Variants in RGS6 observed in about 807,000 individuals in gnomAD.
RGS6 encodes the protein regulator of G-protein signaling 6.
Under a neutral mutation model 78.5 loss-of-function variants are expected in RGS6, and 30 were observed. The ratio of observed to expected loss-of-function variants is 0.38; its 90% CI spans 0.29 to 0.52. The LOEUF (loss-of-function observed/expected upper bound fraction) is 0.52, where lower values mean the gene tolerates loss of function less well. Ranked by LOEUF, RGS6 falls within the 20% of genes least tolerant of loss-of-function variation. RGS6 has a pLI of 0.85. For missense variants in RGS6, 495 were observed against 609.7 expected (o/e 0.81, Z 1.98); for synonymous variants, 206 against 206.0 (o/e 1.00, Z 0.00).
chr14:72,497,887 G>A (rs2096666417), intron 13 of RGS6, among the ~76,000 whole-genome samples: 2 of 151,728 alleles, frequency 1.3e-5, no homozygotes, highest in African/African-American at 2.4e-5. Context: ...CACTTTTCAG[G>A]AAATCCTTTT....
At chr14:72,231,899 G>C (rs1437759878) in intron 2 of RGS6, among the ~76,000 whole-genome samples, 1 of 152,130 alleles carries the variant, frequency 6.6e-6, no homozygotes, top group Non-Finnish European at 1.5e-5. Context: ...GGTGTGGTGG[G>C]TCATTATAAG....
chr14:72,152,410 G>A (rs184418965), intron 2 of RGS6, among the ~76,000 whole-genome samples: 8 of 152,232 alleles, frequency 5.3e-5, no homozygotes, highest in African/African-American at 9.6e-5. Flanking sequence ...AGGGTAGTAC[G>A]TTCCAAATCA....
chr14:72,544,611 G>A (rs991417892), intron 17 of RGS6, among the ~76,000 whole-genome samples: 1 of 152,212 alleles, frequency 6.6e-6, no homozygotes, highest in Non-Finnish European at 1.5e-5. Flanking sequence ...GCCGGAAGCT[G>A]CAGAAGGCTT....
chr14:71,919,765 G>A, the RGS6 span, among the ~76,000 whole-genome samples: 2 of 152,252 alleles, frequency 1.3e-5, no homozygotes, highest in South Asian at 2.1e-4. Context: ...AGGCCGAGGA[G>A]GGTGGATAAC....
At chr14:72,301,204 T>C (rs1306259849) in intron 2 of RGS6, among the ~76,000 whole-genome samples, 1 of 152,252 alleles carries the variant, frequency 6.6e-6, no homozygotes, top group Non-Finnish European at 1.5e-5. Context: ...ATAGGAAAGA[T>C]ATAAAAGAAA....
At chr14:72,362,981 G>A (rs1217280306) in intron 3 of RGS6, among the ~76,000 whole-genome samples, 1 of 152,178 alleles carries the variant, frequency 6.6e-6, no homozygotes, top group South Asian at 2.1e-4. Flanking sequence ...AACATGCCAG[G>A]TTTCAGTAAG....
chr14:71,915,161 G>A, the RGS6 span, among the ~76,000 whole-genome samples: 4 of 152,070 alleles, frequency 2.6e-5, no homozygotes, highest in Non-Finnish European at 4.4e-5. Context: ...AGGAGGCTGA[G>A]GCAGGAGAAT....
chr14:72,029,272 A>G (rs1217608655), intron 2 of RGS6, among the ~76,000 whole-genome samples: 2 of 152,224 alleles, frequency 1.3e-5, no homozygotes, highest in Non-Finnish European at 2.9e-5. Flanking sequence ...AGATCTTGAC[A>G]GAACTTGTAC....
chr14:72,402,790 G>GTTTTTTTTTTTTTTTTTTTTTTTTTTTTT (rs1167831473), intron 3 of RGS6, among the ~76,000 whole-genome samples: 2 of 75,800 alleles, frequency 2.6e-5, no homozygotes, highest in Non-Finnish European at 2.3e-5. Flanking sequence ...TGTTTTTTTG[G>GTTTTTTTTTTTTTTTTTTTTTTTTTTTTT]TTTTTTTTTT....
chr14:72,490,791 A>G (rs548196718), intron 12 of RGS6, among the ~76,000 whole-genome samples: 1 of 152,330 alleles, frequency 6.6e-6, no homozygotes, highest in South Asian at 2.1e-4. Flanking sequence ...CAAAACCAAA[A>G]TTACCAGGGG....
the RGS6 span, among the ~76,000 whole-genome samples, chr14:72,614,803 T>C: frequency 1.2e-5 from 1 of 80,760 alleles, no homozygotes; most frequent in Non-Finnish European, 2.5e-5. Context: ...TTACAATCAC[T>C]GTTCACTCCC....
At chr14:72,187,730 T>G (rs1237346345) in intron 2 of RGS6, among the ~76,000 whole-genome samples, 1 of 152,192 alleles carries the variant, frequency 6.6e-6, no homozygotes, top group Non-Finnish European at 1.5e-5. Context: ...TCTTTTCCTG[T>G]CTTCAGAATA....
intron 17 of RGS6, chr14:72,541,528 TG>T (rs1567089442): frequency 6.5e-7 from 1 of 1,535,594 alleles, no homozygotes; most frequent in African/African-American, 1.4e-5. Flanking sequence ...GCTTTGCCAA[TG>T]GCCGTGTGGC....
At chr14:72,348,344 A>G (rs1369195151) in intron 2 of RGS6, among the ~76,000 whole-genome samples, 1 of 152,224 alleles carries the variant, frequency 6.6e-6, no homozygotes, top group Non-Finnish European at 1.5e-5. Context: ...CCTCAATTTC[A>G]ATGTCTTTAT....
chr14:72,340,664 G>A (rs1274043358), intron 2 of RGS6, among the ~76,000 whole-genome samples: 2 of 152,188 alleles, frequency 1.3e-5, no homozygotes, highest in African/African-American at 4.8e-5. Context: ...AGGCTTTCCA[G>A]TTTTTGCAGC....
At position 72,383,209 on chromosome 14, in the gene RGS6, T is replaced by TAC. The variant is rs1181401622; in HGVS notation, c.184+31016_184+31017insCA. 1.5e-3 allele frequency among the ~76,000 whole-genome samples: 193 copies of TAC among 125,666 alleles called. 3 individuals are homozygous for TAC. The highest frequency in any genetic ancestry group is 5.1e-3 in the African/African-American group (161 of 31,638). The allele number at this position is 125,666 out of a possible 152,430, so 82.4% of individuals were successfully genotyped here. ...ATATATATATATATATATATATATA[T>TAC]ATATACACACAAACACACTAGTATG... On this transcript the variant is annotated intron_variant, in intron 3 of 17. Transcript: ENST00000553525.
At chr14:72,204,257 A>G (rs144932364) in intron 2 of RGS6, among the ~76,000 whole-genome samples, 205 of 152,264 alleles carry the variant, frequency 1.3e-3, no homozygotes, top group Non-Finnish European at 1.9e-3. Flanking sequence ...TGTTTTTGCA[A>G]CCTAATCTCA....
intron 2 of RGS6, among the ~76,000 whole-genome samples, chr14:72,189,591 T>C (rs1425496616): frequency 6.6e-6 from 1 of 152,102 alleles, no homozygotes; most frequent in Admixed American, 6.5e-5. Flanking sequence ...GTAAGTGATT[T>C]TTATTAACAA....
chr14:72,625,053 C>T, the RGS6 span, among the ~76,000 whole-genome samples: 1 of 152,058 alleles, frequency 6.6e-6, no homozygotes, highest in East Asian at 1.9e-4. Flanking sequence ...TGGGGAGATA[C>T]TTGGAGATTA....
Sources: allele counts gnomAD v4.1 joint callset (sites outside exome capture counted in the v4.1 genomes callset), GRCh38; gene constraint gnomAD v4.1.1; transcripts MANE v1.5; gene names NCBI Gene and HGNC (gene_info 2026-07-23, HGNC 2026-07-21).